Variants in CTNNBIP1 observed in about 807,000 individuals in gnomAD.
CTNNBIP1 encodes the protein catenin beta interacting protein 1.
CTNNBIP1 carries 7 observed loss-of-function variants against 11.8 expected under a neutral mutation model. That is an observed-to-expected ratio of 0.60 (90% CI 0.34 to 1.12). CTNNBIP1 has a LOEUF of 1.12. Ranked by LOEUF, CTNNBIP1 falls within the 50% of genes most tolerant of loss-of-function variation. CTNNBIP1 has a pLI of 0.03. For synonymous variants in CTNNBIP1, 58 were observed against 43.9 expected (o/e 1.32, Z -1.26); for missense variants, 101 against 113.4 (o/e 0.89, Z 0.50).
intron 5 of CTNNBIP1, among the ~76,000 whole-genome samples, chr1:9,868,346 G>A (rs2101472311): frequency 6.6e-6 from 1 of 152,332 alleles, no homozygotes; most frequent in South Asian, 2.1e-4. Context: ...GGACTCCACG[G>A]CCCACACAGT....
At chr1:9,906,085 C>T (rs529854117) in intron 1 of CTNNBIP1, among the ~76,000 whole-genome samples, 1 of 152,298 alleles carries the variant, frequency 6.6e-6, no homozygotes, top group African/African-American at 2.4e-5. Flanking sequence ...TGAGTATCTA[C>T]TAGGTATTAC....
intron 5 of CTNNBIP1, among the ~76,000 whole-genome samples, chr1:9,860,719 C>T (rs1027058775): frequency 1.3e-5 from 2 of 152,080 alleles, no homozygotes; most frequent in Non-Finnish European, 2.9e-5. Flanking sequence ...CATCATCCTG[C>T]AAGACCACTG....
Position 9,910,138 on chromosome 1 carries a change from G to C in CTNNBIP1, c.-187C>G, listed in dbSNP as rs1234431948. 6.8e-6 allele frequency: 1 copy of C among 146,814 alleles called. No homozygotes were observed. The highest frequency in any genetic ancestry group is 2.4e-5 in the African/African-American group (1 of 40,942). The allele number at this position is 146,814 out of a possible 1,614,324, so 9.1% of individuals were successfully genotyped here. ...CCGGGCCGGCAGGGGCAGCGGGTCC[G>C]GCGCGCAGCGCGCGGCGGCCTGTTC... On this transcript the variant is annotated 5_prime_UTR_variant, in exon 1 of 6. Coordinates refer to ENST00000377263, the MANE Select transcript of CTNNBIP1 (RefSeq NM_020248.3).
chr1:9,887,795 T>C (rs1169309440), intron 1 of CTNNBIP1, among the ~76,000 whole-genome samples: 1 of 151,846 alleles, frequency 6.6e-6, no homozygotes, highest in Non-Finnish European at 1.5e-5. Context: ...AATTCGAAAA[T>C]AAGGCTTACA....
chr1:9,897,316 T>C (rs1639429369), intron 1 of CTNNBIP1, among the ~76,000 whole-genome samples: 1 of 151,946 alleles, frequency 6.6e-6, no homozygotes, highest in Non-Finnish European at 1.5e-5. Context: ...TAGCCAGATG[T>C]GGTGGCGGGT....
At chr1:9,904,532 T>A (rs1347855447) in intron 1 of CTNNBIP1, among the ~76,000 whole-genome samples, 1 of 152,026 alleles carries the variant, frequency 6.6e-6, no homozygotes, top group Non-Finnish European at 1.5e-5. Flanking sequence ...GATCAAGTAA[T>A]CAAACAGGAG....
chr1:9,896,055 T>C (rs896543328), intron 1 of CTNNBIP1, among the ~76,000 whole-genome samples: 1 of 152,196 alleles, frequency 6.6e-6, no homozygotes, highest in African/African-American at 2.4e-5. Context: ...ATCAAGGATC[T>C]CAGTTGTATT....
At chr1:9,899,044 C>G (rs60657409) in intron 1 of CTNNBIP1, among the ~76,000 whole-genome samples, 1 of 152,054 alleles carries the variant, frequency 6.6e-6, no homozygotes, top group African/African-American at 2.4e-5. Flanking sequence ...TGAGTAAGTT[C>G]TTTAGCAGTG....
At chr1:9,853,134 G>A (rs1039593202) in intron 5 of CTNNBIP1, among the ~76,000 whole-genome samples, 4 of 152,230 alleles carry the variant, frequency 2.6e-5, no homozygotes, top group Non-Finnish European at 5.9e-5. Flanking sequence ...GCCTCCCACT[G>A]TGCTGCTGGA....
At chr1:9,900,821 G>A (rs968827653) in intron 1 of CTNNBIP1, among the ~76,000 whole-genome samples, 2 of 152,218 alleles carry the variant, frequency 1.3e-5, no homozygotes, top group African/African-American at 2.4e-5. Context: ...ATCGGCCAGA[G>A]GAAGGCTATG....
chr1:9,895,228 T>C (rs1360633240), intron 1 of CTNNBIP1, among the ~76,000 whole-genome samples: 1 of 150,592 alleles, frequency 6.6e-6, no homozygotes, highest in Non-Finnish European at 1.5e-5. Flanking sequence ...TGAGACAGTC[T>C]TACTCTGTCA....
intron 1 of CTNNBIP1, among the ~76,000 whole-genome samples, chr1:9,893,846 G>A (rs1375428855): frequency 6.6e-6 from 1 of 152,166 alleles, no homozygotes; most frequent in Non-Finnish European, 1.5e-5. Flanking sequence ...ACTGAAGTCT[G>A]CCAGAAAGAC....
intron 1 of CTNNBIP1, among the ~76,000 whole-genome samples, chr1:9,898,464 C>T (rs1023524556): frequency 8.6e-5 from 13 of 151,974 alleles, no homozygotes; most frequent in African/African-American, 3.1e-4. Flanking sequence ...TCGGAGGTTG[C>T]AGTGAGCCAA....
chr1:9,861,510 C>T (rs554756358), intron 5 of CTNNBIP1, among the ~76,000 whole-genome samples: 3 of 152,306 alleles, frequency 2.0e-5, no homozygotes, highest in South Asian at 4.1e-4. Flanking sequence ...TGGCGGCCGG[C>T]GACCAGTGAT....
intron 5 of CTNNBIP1, among the ~76,000 whole-genome samples, chr1:9,858,819 C>CA (rs775279284): frequency 6.6e-6 from 1 of 152,174 alleles, no homozygotes; most frequent in African/African-American, 2.4e-5. Flanking sequence ...AACTGAAACT[C>CA]AGACAGACAA....
Position 9,907,220 on chromosome 1 carries a change from G to C in CTNNBIP1, c.-144+2875C>G, listed in dbSNP as rs187150155. Among the ~76,000 whole-genome samples the C allele has an allele frequency of 2.5e-3, 385 of 152,266 alleles. 4 individuals carry two copies. Among genetic ancestry groups the C allele is most frequent in the African/African-American group, 9.0e-3 (375 of 41,566 alleles). On this transcript the variant is annotated intron_variant, in intron 1 of 5. Coordinates refer to ENST00000377263, the MANE Select transcript of CTNNBIP1 (RefSeq NM_020248.3). ...GAGTCTTCCTCCGTCGCCCAGGCTG[G>C]AGTGCAGTGGCACGATCTTGGCTCA... is the stretch of plus-strand genomic sequence containing the variant.
At chr1:9,853,210 A>G (rs1253028406) in intron 5 of CTNNBIP1, among the ~76,000 whole-genome samples, 2 of 152,140 alleles carry the variant, frequency 1.3e-5, no homozygotes, top group African/African-American at 4.8e-5. Flanking sequence ...TTCCTTAAGG[A>G]TATTATCCAG....
chr1:9,861,467 CAG>C (rs1345787436), intron 5 of CTNNBIP1, among the ~76,000 whole-genome samples: 1 of 152,230 alleles, frequency 6.6e-6, no homozygotes, highest in African/African-American at 2.4e-5. Context: ...GGCTTTTACC[CAG>C]AGACAGCATA....
At chr1:9,863,129 C>G (rs12061675) in intron 5 of CTNNBIP1, among the ~76,000 whole-genome samples, 5 of 152,192 alleles carry the variant, frequency 3.3e-5, no homozygotes, top group Non-Finnish European at 7.3e-5. Flanking sequence ...TCCCTGGAGC[C>G]GCAGCCAGGT....
Sources: gnomAD v4.1 joint callset for allele counts (sites outside exome capture counted in the v4.1 genomes callset) on GRCh38, gnomAD v4.1.1 for gene constraint, MANE v1.5 for transcripts, NCBI Gene and HGNC (gene_info 2026-07-23, HGNC 2026-07-21) for gene names.